KIF13B: variants seen among roughly 807,000 people sequenced by gnomAD.
KIF13B encodes kinesin-like protein KIF13B.
Under a neutral mutation model 222.0 loss-of-function variants are expected in KIF13B, and 127 were observed. That is an observed-to-expected ratio of 0.57 (90% CI 0.50 to 0.66). The LOEUF (loss-of-function observed/expected upper bound fraction) is 0.66. Among genes scored for constraint, KIF13B ranks in the 30% least tolerant of loss-of-function variants. KIF13B has a pLI of 0.00. For synonymous variants in KIF13B, 976 were observed against 919.0 expected, an observed-to-expected ratio of 1.06 and a Z score of -1.12; for missense variants, 2,173 against 2,379.0, an observed-to-expected ratio of 0.91 and a Z score of 1.80.
intron 30 of KIF13B, among the ~76,000 whole-genome samples, chr8:29,117,606 T>G (rs1418659977): frequency 6.6e-6 from 1 of 152,182 alleles, no homozygotes; most frequent in African/African-American, 2.4e-5. Flanking sequence ...GCCGGCCCAC[T>G]ATTCTACAGA....
chr8:29,222,036 T>C (rs575917772), intron 2 of KIF13B, among the ~76,000 whole-genome samples: 84 of 152,220 alleles, frequency 5.5e-4, no homozygotes, highest in Non-Finnish European at 1.1e-3. Context: ...AACCACTCTA[T>C]CACTGTTTTC....
At chr8:29,212,824 T>G (rs575082155) in intron 2 of KIF13B, among the ~76,000 whole-genome samples, 1 of 149,188 alleles carries the variant, frequency 6.7e-6, no homozygotes, top group Non-Finnish European at 1.5e-5. Flanking sequence ...ATTTGATTAC[T>G]AATGTTCATA....
chr8:29,122,679 A>G, intron 28 of KIF13B, 33 bp from the exon 29 acceptor site: 1 of 1,576,060 alleles, frequency 6.3e-7, no homozygotes, highest in Non-Finnish European at 8.7e-7. Context: ...CATCTGCCTC[A>G]GGTTACTTTC....
chr8:29,117,485 A>C (rs1809656643), intron 30 of KIF13B, among the ~76,000 whole-genome samples: 1 of 152,194 alleles, frequency 6.6e-6, no homozygotes, highest in Non-Finnish European at 1.5e-5. Flanking sequence ...CAATTTCCCC[A>C]TCCCGGAACC....
chr8:29,233,828 T>C (rs1207497654), intron 2 of KIF13B, among the ~76,000 whole-genome samples: 1 of 152,186 alleles, frequency 6.6e-6, no homozygotes, highest in African/African-American at 2.4e-5. Flanking sequence ...CACTCCAGTG[T>C]AGGTGACAGA....
chr8:29,073,929 T>C (rs923970721), intron 38 of KIF13B, among the ~76,000 whole-genome samples: 1 of 152,242 alleles, frequency 6.6e-6, no homozygotes, highest in African/African-American at 2.4e-5. Flanking sequence ...ATAAATACTC[T>C]AAAAGATTAG....
chr8:29,111,902 T>C (rs1277250752), intron 32 of KIF13B, among the ~76,000 whole-genome samples: 2 of 152,214 alleles, frequency 1.3e-5, no homozygotes, highest in Non-Finnish European at 2.9e-5. Context: ...CAAGAGTGAA[T>C]GAAGCACACA....
intron 8 of KIF13B, among the ~76,000 whole-genome samples, chr8:29,179,091 G>T (rs1237523637): frequency 6.6e-6 from 1 of 151,738 alleles, no homozygotes; most frequent in Non-Finnish European, 1.5e-5. Flanking sequence ...TTCACAGAAG[G>T]CAACACTGCA....
chr8:29,262,879 T>C (rs1203556835), intron 1 of KIF13B, 101 bp downstream of exon 1: 1 of 939,394 alleles, frequency 1.1e-6, no homozygotes, highest in Non-Finnish European at 1.5e-6. Flanking sequence ...CGCCGCTGAC[T>C]ATAGGGGCGG....
chr8:29,262,126 C>G (rs1468343118), intron 1 of KIF13B, among the ~76,000 whole-genome samples: 2 of 152,148 alleles, frequency 1.3e-5, no homozygotes, highest in Non-Finnish European at 2.9e-5. Flanking sequence ...AGCAACTCAC[C>G]CAGTCATGCT....
In KIF13B at chr8:29,147,692, C is replaced by T. The variant is rs1811120527; in HGVS notation, c.1814-90G>A. The T allele has an allele frequency of 8.3e-5, 78 of 943,612 alleles. No homozygotes were observed. In the South Asian group the frequency reaches 1.1e-3, roughly 13 times the overall value. 58.5% of individuals were successfully genotyped at this position (943,612 alleles called of 1,614,324 possible). A position where few individuals can be genotyped will look rare whatever the true frequency, so the allele number is the denominator to read the frequency against. ...TCTATATGGTAATGTTGTCTGTCATCTTAACTATACCACCTAATACTTTAA... is the reference window on the plus strand; with the variant it reads ...TCTATATGGTAATGTTGTCTGTCATTTTAACTATACCACCTAATACTTTAA... On this transcript the variant is annotated intron_variant, in intron 16 of 39. Transcript: ENST00000524189.
intron 10 of KIF13B, among the ~76,000 whole-genome samples, chr8:29,170,423 T>C (rs1238466027): frequency 6.6e-6 from 1 of 152,222 alleles, no homozygotes; most frequent in Admixed American, 6.5e-5. Context: ...GGGAGGATGC[T>C]GGTAAGTAAT....
chr8:29,190,033 T>A (rs1226304304), intron 4 of KIF13B: 2 of 152,252 alleles, frequency 1.3e-5, no homozygotes, highest in African/African-American at 2.4e-5. Context: ...TATAGAGATG[T>A]AGGTTACCAT....
At chr8:29,086,000 C>T (rs1289724498) in intron 37 of KIF13B, among the ~76,000 whole-genome samples, 1 of 152,178 alleles carries the variant, frequency 6.6e-6, no homozygotes, top group African/African-American at 2.4e-5. Context: ...TCCTTCCCCT[C>T]CTTGGTGCTG....
chr8:29,168,172 T>C (rs932400101), intron 10 of KIF13B, among the ~76,000 whole-genome samples: 1 of 152,210 alleles, frequency 6.6e-6, no homozygotes, highest in African/African-American at 2.4e-5. Flanking sequence ...CAAAAGCTAC[T>C]AAGATTGCAA....
chr8:29,092,976 C>CA, intron 36 of KIF13B, 98 bp from the exon 37 acceptor site: 1 of 1,131,060 alleles, frequency 8.8e-7, no homozygotes, highest in East Asian at 2.8e-5. Context: ...GCAAATCTAA[C>CA]AAAAACCAAA....
Position 29,119,674 on chromosome 8 carries a change from C to T in KIF13B, c.3536-682G>A, listed in dbSNP as rs187662264. 1.3e-3 allele frequency among the ~76,000 whole-genome samples: 201 copies of T among 152,244 alleles called. 1 individual carries two copies. The highest frequency in any genetic ancestry group is 4.6e-3 in the African/African-American group (192 of 41,536). The stretch of plus-strand genomic sequence containing the variant: ...CACCCAAATACAAGCACCTCACCTA[C>T]GTAGGAAGCCTAACAGAAGAACAGG... On this transcript the variant is annotated intron_variant, in intron 29 of 39. Coordinates refer to ENST00000524189, the MANE Select transcript of KIF13B (RefSeq NM_015254.4).
intron 23 of KIF13B, among the ~76,000 whole-genome samples, chr8:29,131,890 A>G (rs1810360179): frequency 6.6e-6 from 1 of 152,226 alleles, no homozygotes; most frequent in Non-Finnish European, 1.5e-5. Context: ...AACACTGGTC[A>G]TGCTCAGAAA....
At chr8:29,194,223 CAGA>C (rs1005310338) in intron 3 of KIF13B, among the ~76,000 whole-genome samples, 3 of 151,562 alleles carry the variant, frequency 2.0e-5, no homozygotes, top group African/African-American at 7.3e-5. Context: ...CCCACAGATA[CAGA>C]AGGCCAACTG....
Sources: gnomAD v4.1 joint callset for allele counts (sites outside exome capture counted in the v4.1 genomes callset) on GRCh38, gnomAD v4.1.1 for gene constraint, MANE v1.5 for transcripts, NCBI Gene and HGNC (gene_info 2026-07-23, HGNC 2026-07-21) for gene names.